The following TRIM27 variants were observed in gnomAD, a reference collection of about 807,000 sequenced individuals.
TRIM27 encodes the protein tripartite motif containing 27.
A neutral mutation model predicts 57.6 loss-of-function variants in TRIM27; 12 were observed. The ratio of observed to expected loss-of-function variants is 0.21; its 90% CI spans 0.13 to 0.34. The LOEUF (loss-of-function observed/expected upper bound fraction) is 0.34, where lower values mean the gene tolerates loss of function less well. Ranked by LOEUF, TRIM27 falls within the 10% of genes least tolerant of loss-of-function variation. TRIM27 has a pLI of 1.00. For missense variants in TRIM27, 403 were observed against 656.8 expected (o/e 0.61, Z 4.22); for synonymous variants, 266 against 259.0 (o/e 1.03, Z -0.26).
At chr6:28,907,867 A>G (rs1489525303) in intron 6 of TRIM27, 1 of 299,364 alleles carries the variant, frequency 3.3e-6, no homozygotes, top group Non-Finnish European at 6.6e-6. Context: ...TGTAGAGGAC[A>G]TGTATCTGCT....
rs1772587666 is a variant in TRIM27, at chr6:28,904,090, A to T, written c.1522T>A (p.Ser508Thr). The T allele has an allele frequency of 6.2e-7, 1 of 1,612,958 alleles. No individual in the cohort carries two copies. The highest frequency in any genetic ancestry group is 8.5e-7 in the Non-Finnish European group (1 of 1,179,968). ...FSGHVGNHGH[S>T]METSP ...CCTCCTCAAGGGGAGGTCTCCATGGAATGACCATGATTCCCAACATGGCCA... is the reference window on the plus strand; with the variant it reads ...CCTCCTCAAGGGGAGGTCTCCATGGTATGACCATGATTCCCAACATGGCCA... The change falls in exon 8 of 8, where the codon TCC becomes ACC. Residue 508 changes from serine to threonine, a missense_variant. By Grantham distance (58) the Ser-to-Thr change is moderately conservative. Coordinates refer to ENST00000377199, the MANE Select transcript of TRIM27 (RefSeq NM_006510.5). The surrounding 1 kb of genome is among the most constrained non-coding windows in gnomAD (Gnocchi z 6.1).
At chr6:28,913,897 T>C (rs555086719) in intron 3 of TRIM27, among the ~76,000 whole-genome samples, 23 of 151,434 alleles carry the variant, frequency 1.5e-4, no homozygotes, top group African/African-American at 5.3e-4. Flanking sequence ...CTGGTTACAA[T>C]GTGTGTGCGC....
At chr6:28,914,530 G>A (rs1166508408) in intron 3 of TRIM27, among the ~76,000 whole-genome samples, 1 of 138,140 alleles carries the variant, frequency 7.2e-6, no homozygotes, top group Non-Finnish European at 1.5e-5. Flanking sequence ...CTGTCAATTT[G>A]TCTAGATCCA....
Position 28,920,242 on chromosome 6 carries a change from T to C in TRIM27, c.517A>G (p.Ser173Gly). The change falls in exon 3 of 8, where the codon AGC becomes GGC. Residue 173 changes from serine to glycine, a missense_variant and splice_region_variant. Physicochemically the swap from Ser to Gly is moderately conservative, Grantham distance 56. Transcript: ENST00000377199. ...TTCTCCCTCTCCATCTGGGTTAGGC[T>C]CTATGCAGACGACAGGGAAAGGCAG... ...QGEQARAELL[S>G]LTQMEREKIV... The C allele has an allele frequency of 6.3e-7, 1 of 1,596,370 alleles. No individual in the cohort carries two copies. The highest frequency in any genetic ancestry group is 8.6e-7 in the Non-Finnish European group (1 of 1,168,674).
rs781365719 is a variant in TRIM27, at chr6:28,923,485, T to A, written c.148A>T (p.Asn50Tyr). 2 of 1,612,138 alleles carry A rather than the reference T, an allele frequency of 1.2e-6. No homozygotes were observed. Among genetic ancestry groups the A allele is most frequent in the Admixed American group, 3.3e-5 (2 of 59,926 alleles). ...TCCCGGCACTGCGGGCACGACACGTTAGTCTCTGCCGTGCCCCAGCAGCGG... is the reference window on the plus strand; with the variant it reads ...TCCCGGCACTGCGGGCACGACACGTAAGTCTCTGCCGTGCCCCAGCAGCGG... ...LARCWGTAET[N>Y]VSCPQCRETF... The change falls in exon 1 of 8, where the codon AAC becomes TAC. Residue 50 changes from asparagine to tyrosine, a missense_variant. Transcript: ENST00000377199.
At chr6:28,910,123 G>GAAAAAAAAAAAAAAAAAGAAAAAAAA (rs1773077776) in intron 4 of TRIM27, among the ~76,000 whole-genome samples, 1 of 97,622 alleles carries the variant, frequency 1.0e-5, no homozygotes, top group African/African-American at 3.4e-5. Context: ...AAAGAAAAAT[G>GAAAAAAAAAAAAAAAAAGAAAAAAAA]AAAAAAAAAA....
chr6:28,910,024 C>G (rs1773065019), intron 4 of TRIM27, among the ~76,000 whole-genome samples: 1 of 149,288 alleles, frequency 6.7e-6, no homozygotes, highest in African/African-American at 2.5e-5. Context: ...GCAATCCCAA[C>G]ACTTTTGGAG....
At position 28,904,674 on chromosome 6, in the gene TRIM27, A is replaced by T. The variant is rs765719341; in HGVS notation, c.947-9T>A. ...GTCCAGAGTCACGTCCACTGTAGAGACACAAGGAAGACAGTCAGCCGTGGG... is the reference window on the plus strand; with the variant it reads ...GTCCAGAGTCACGTCCACTGTAGAGTCACAAGGAAGACAGTCAGCCGTGGG... On this transcript the variant is annotated splice_polypyrimidine_tract_variant and intron_variant, in intron 7 of 7. Transcript: ENST00000377199. The surrounding 1 kb of genome is among the most constrained non-coding windows in gnomAD (Gnocchi z 6.1). 1.9e-6 allele frequency: 3 copies of T among 1,588,666 alleles called. No individual in the cohort carries two copies. Among genetic ancestry groups the T allele is most frequent in the Admixed American group, 1.7e-5 (1 of 59,434 alleles).
At chr6:28,905,111 T>C (rs1350386731) in intron 7 of TRIM27, 1 of 160,170 alleles carries the variant, frequency 6.2e-6, no homozygotes, top group Non-Finnish European at 1.4e-5. Flanking sequence ...GGTCTTACTA[T>C]GTTGCTCAGG....
chr6:28,912,832 G>C (rs1030828139), intron 3 of TRIM27, among the ~76,000 whole-genome samples: 3 of 152,034 alleles, frequency 2.0e-5, no homozygotes, highest in East Asian at 1.9e-4. Context: ...TATTTTGGGG[G>C]TGCATGCGAT....
At position 28,911,318 on chromosome 6, in the gene TRIM27, G is replaced by C. The variant is rs553355576; in HGVS notation, c.770+378C>G. 1.7e-5 allele frequency: 3 copies of C among 177,788 alleles called. No homozygotes were observed. In the East Asian group the frequency reaches 4.1e-4, roughly 24 times the overall value. The allele number at this position is 177,788 out of a possible 1,614,324, so 11.0% of individuals were successfully genotyped here. The stretch of plus-strand genomic sequence containing the variant: ...ATGCAGGCCAGTCACACCTTTCTTA[G>C]GCTTTATTTCCCCCATTACAGAAAA... On this transcript the variant is annotated intron_variant, in intron 4 of 7. Coordinates refer to ENST00000377199, the MANE Select transcript of TRIM27 (RefSeq NM_006510.5).
intron 3 of TRIM27, among the ~76,000 whole-genome samples, chr6:28,919,443 ATAAT>A (rs894636060): frequency 6.6e-6 from 1 of 152,180 alleles, no homozygotes; most frequent in African/African-American, 2.4e-5. Flanking sequence ...CACAAAGCAA[ATAAT>A]TAATACGCAC....
chr6:28,907,400 A>C (rs1028526233), intron 6 of TRIM27, 138 bp from the exon 7 acceptor site: 2 of 810,474 alleles, frequency 2.5e-6, no homozygotes, highest in Admixed American at 4.0e-5. Flanking sequence ...GTCATGCACT[A>C]ATTTTTTCAT....
At chr6:28,913,320 T>A (rs1364750298) in intron 3 of TRIM27, among the ~76,000 whole-genome samples, 1 of 149,584 alleles carries the variant, frequency 6.7e-6, no homozygotes, top group African/African-American at 2.4e-5. Context: ...TGTATATACA[T>A]AGATATATAT....
In TRIM27 at chr6:28,903,556, C is replaced by T. The variant is rs1041996696; in HGVS notation, c.*514G>A. On this transcript the variant is annotated 3_prime_UTR_variant, in exon 8 of 8. Coordinates refer to ENST00000377199, the MANE Select transcript of TRIM27 (RefSeq NM_006510.5). The stretch of plus-strand genomic sequence containing the variant: ...GGCTTCTTTAATGGAGTTAATAAAA[C>T]TATGGCACATTGGGAATCAGGGGCA... 4.2e-6 allele frequency: 1 copy of T among 236,506 alleles called. No individual in the cohort carries two copies. The highest frequency in any genetic ancestry group is 2.2e-5 in the African/African-American group (1 of 45,414). The allele number at this position is 236,506 out of a possible 1,614,324, so 14.7% of individuals were successfully genotyped here. A position where few individuals can be genotyped will look rare whatever the true frequency, so the allele number is the denominator to read the frequency against.
At chr6:28,908,507 T>G in intron 6 of TRIM27, 1 of 400,202 alleles carries the variant, frequency 2.5e-6, no homozygotes, top group Non-Finnish European at 4.5e-6. Flanking sequence ...CCAAGGTAGT[T>G]TTTGTTCATT....
chr6:28,915,811 C>G (rs1043014521), intron 3 of TRIM27: 2 of 151,950 alleles, frequency 1.3e-5, no homozygotes, highest in African/African-American at 2.4e-5. Context: ...AAATGCCCAT[C>G]GACTGATGAA....
intron 4 of TRIM27, among the ~76,000 whole-genome samples, chr6:28,910,936 A>T (rs1232743557): frequency 6.6e-6 from 1 of 151,800 alleles, no homozygotes; most frequent in Non-Finnish European, 1.5e-5. Flanking sequence ...ATCTATAAGG[A>T]CCTCCCCAAT....
intron 3 of TRIM27, among the ~76,000 whole-genome samples, chr6:28,912,035 C>T (rs933019045): frequency 6.6e-6 from 1 of 151,918 alleles, no homozygotes; most frequent in African/African-American, 2.4e-5. Flanking sequence ...ACCTGTCCAG[C>T]TTGCTTTCTT....
Sources: gnomAD v4.1 joint callset for allele counts (sites outside exome capture counted in the v4.1 genomes callset) on GRCh38, gnomAD v4.1.1 for gene constraint, Gnocchi (gnomAD v3.1) non-coding constraint, MANE v1.5 for transcripts, NCBI Gene and HGNC (gene_info 2026-07-23, HGNC 2026-07-21) for gene names.